AMPH: variants seen among roughly 807,000 people sequenced by gnomAD.
AMPH encodes the protein amphiphysin (Stiff-Mann syndrome with breast cancer 128kD autoantigen).
AMPH carries 49 observed loss-of-function variants against 99.1 expected under a neutral mutation model. The observed-to-expected ratio is 0.49, with a 90% confidence interval of 0.39 to 0.63. The LOEUF is 0.63. AMPH is among the 20% of genes least tolerant of loss of function. The pLI, the probability that AMPH is intolerant of heterozygous loss-of-function variation, is 0.00. For missense variants in AMPH, 759 were observed against 863.4 expected (o/e 0.88, Z 1.52); for synonymous variants, 314 against 317.3 (o/e 0.99, Z 0.11).
intron 17 of AMPH, among the ~76,000 whole-genome samples, chr7:38,411,142 ATC>A (rs955176354): frequency 1.2e-4 from 18 of 152,194 alleles, no homozygotes; most frequent in African/African-American, 4.1e-4. Flanking sequence ...TAATCAATTA[ATC>A]TCTTTGTGTC....
At chr7:38,532,842 A>G (rs76177391) in intron 2 of AMPH, among the ~76,000 whole-genome samples, 11,461 of 152,232 alleles carry the variant, frequency 0.075, 613 homozygotes, top group Middle Eastern at 0.19. Flanking sequence ...TTAACCTTCT[A>G]GGGTGCTAAC....
chr7:38,627,460 C>G (rs1013409587), intron 1 of AMPH, among the ~76,000 whole-genome samples: 2 of 150,718 alleles, frequency 1.3e-5, no homozygotes, highest in African/African-American at 2.4e-5. Flanking sequence ...TCGAGACCAT[C>G]CTGGCTAACA....
Position 38,495,549 on chromosome 7 carries a change from C to T in AMPH, c.206-1022G>A, listed in dbSNP as rs76801461. Among the ~76,000 whole-genome samples the T allele has an allele frequency of 4.0e-3, 613 of 151,666 alleles. 5 individuals are homozygous for T. The highest frequency in any genetic ancestry group is 0.014 in the African/African-American group (595 of 41,326). On this transcript the variant is annotated intron_variant, in intron 3 of 20. Transcript: ENST00000356264. ...GGGACGTGGGAGGAAGTCAAAGTAC[C>T]GAGAGAAAACTCAGTGTACAAATTC...
chr7:38,384,699 G>T lies in AMPH; in HGVS notation c.*119C>A. The T allele has an allele frequency of 1.2e-6, 1 of 820,306 alleles. No individual in the cohort carries two copies. Among genetic ancestry groups the T allele is most frequent in the South Asian group, 2.0e-5 (1 of 50,678 alleles). The allele number at this position is 820,306 out of a possible 1,614,324, so 50.8% of individuals were successfully genotyped here. ...ATGCTCCATTGATACATCTTCCCAAGGTTTGTCTGGCATCAGTCTGTAAAT... is the reference window on the plus strand; with the variant it reads ...ATGCTCCATTGATACATCTTCCCAATGTTTGTCTGGCATCAGTCTGTAAAT... On this transcript the variant is annotated 3_prime_UTR_variant, in exon 21 of 21. Transcript: ENST00000356264.
chr7:38,594,254 T>C (rs1307584897), intron 1 of AMPH, among the ~76,000 whole-genome samples: 1 of 152,104 alleles, frequency 6.6e-6, no homozygotes, highest in South Asian at 2.1e-4. Flanking sequence ...GAGTTTAGAG[T>C]GACAAGGTTT....
At chr7:38,576,932 C>T (rs1337576346) in intron 1 of AMPH, among the ~76,000 whole-genome samples, 2 of 152,014 alleles carry the variant, frequency 1.3e-5, no homozygotes, top group East Asian at 1.9e-4. Flanking sequence ...CGGGCTGTTC[C>T]GAGAAACCAA....
chr7:38,610,747 G>T (rs561728238), intron 1 of AMPH, among the ~76,000 whole-genome samples: 3 of 152,146 alleles, frequency 2.0e-5, no homozygotes, highest in East Asian at 1.9e-4. Flanking sequence ...ATCTTGATTT[G>T]CCCTATAAAT....
intron 2 of AMPH, among the ~76,000 whole-genome samples, chr7:38,511,263 A>G (rs2129030337): frequency 6.6e-6 from 1 of 152,352 alleles, no homozygotes; most frequent in African/African-American, 2.4e-5. Context: ...TGCTTGATTG[A>G]CCGAAGTTCT....
At chr7:38,438,903 C>T (rs1247150856) in intron 11 of AMPH, among the ~76,000 whole-genome samples, 2 of 152,222 alleles carry the variant, frequency 1.3e-5, no homozygotes, top group Non-Finnish European at 2.9e-5. Flanking sequence ...CCATTAGCAA[C>T]AATGCATACA....
intron 18 of AMPH, 59 bp from the exon 19 acceptor site, chr7:38,392,076 T>A: frequency 3.2e-6 from 5 of 1,562,694 alleles, no homozygotes; most frequent in Non-Finnish European, 4.3e-6. Context: ...AACCTCCTTG[T>A]CCTGCACAAC....
intron 2 of AMPH, among the ~76,000 whole-genome samples, chr7:38,534,509 C>G (rs1359581461): frequency 1.3e-5 from 2 of 152,028 alleles, no homozygotes; most frequent in African/African-American, 4.8e-5. Context: ...CCCATCTCTA[C>G]TAAAAACACA....
intron 1 of AMPH, among the ~76,000 whole-genome samples, chr7:38,621,010 T>C (rs1022558422): frequency 2.0e-5 from 3 of 152,222 alleles, no homozygotes; most frequent in African/African-American, 7.2e-5. Flanking sequence ...AGAGATCATT[T>C]ATAAGGCCAG....
chr7:38,395,312 G>A (rs1020283999), intron 17 of AMPH, among the ~76,000 whole-genome samples: 2 of 152,142 alleles, frequency 1.3e-5, no homozygotes, highest in Non-Finnish European at 2.9e-5. Context: ...GCATGGTAAT[G>A]CTCCAAATAG....
At chr7:38,598,918 T>A (rs979954241) in intron 1 of AMPH, among the ~76,000 whole-genome samples, 1 of 152,142 alleles carries the variant, frequency 6.6e-6, no homozygotes, top group Non-Finnish European at 1.5e-5. Flanking sequence ...TTCTTTAATT[T>A]TATCTTTTCC....
At chr7:38,443,303 A>G (rs978592178) in intron 11 of AMPH, among the ~76,000 whole-genome samples, 6 of 152,108 alleles carry the variant, frequency 3.9e-5, no homozygotes, top group African/African-American at 1.4e-4. Context: ...TAAGCAACAA[A>G]TAATACCAAC....
chr7:38,558,193 A>G (rs899722291), intron 1 of AMPH, among the ~76,000 whole-genome samples: 2 of 152,252 alleles, frequency 1.3e-5, no homozygotes, highest in African/African-American at 4.8e-5. Flanking sequence ...CTCTAAGCAC[A>G]GTTTCTAGAG....
In AMPH at chr7:38,474,280, TAAAA is replaced by T. The variant is rs371916575; in HGVS notation, c.590+1047_590+1050del. On this transcript the variant is annotated intron_variant, in intron 7 of 20. Transcript: ENST00000356264. ...ATAAAATAAAATAAAATGAAATAAATAAAAAGAAAAAGAAATGCAGATGTAGAGA... is the reference window on the plus strand; with the variant it reads ...ATAAAATAAAATAAAATGAAATAAATAGAAAAAGAAATGCAGATGTAGAGA... Among the ~76,000 whole-genome samples, 129 of 151,742 alleles carry T rather than the reference TAAAA, an allele frequency of 8.5e-4. 3 individuals are homozygous for T. The East Asian group carries it at 0.024, about 28-fold the overall frequency.
At chr7:38,417,974 T>C (rs1562739686) in intron 16 of AMPH, 24 bp from the exon 17 acceptor site, 1 of 1,607,004 alleles carries the variant, frequency 6.2e-7, no homozygotes, top group African/African-American at 1.3e-5. Context: ...TTTTGAGGGT[T>C]AGAGGAAAAA....
At chr7:38,422,499 A>G (rs1785615618) in intron 15 of AMPH, 22 bp from the exon 16 acceptor site, 1 of 1,597,240 alleles carries the variant, frequency 6.3e-7, no homozygotes, top group Non-Finnish European at 8.6e-7. Context: ...GGATAAAAAT[A>G]GAAGATGTTT....
Sources: allele counts gnomAD v4.1 joint callset (sites outside exome capture counted in the v4.1 genomes callset), GRCh38; gene constraint gnomAD v4.1.1; transcripts MANE v1.5; gene names NCBI Gene and HGNC (gene_info 2026-07-23, HGNC 2026-07-21).